The following CLTCL1 variants were observed in gnomAD, a reference collection of about 807,000 sequenced individuals.
CLTCL1 encodes the protein clathrin heavy chain like 1.
A neutral mutation model predicts 190.0 loss-of-function variants in CLTCL1; 159 were observed. That is an observed-to-expected ratio of 0.84 (90% CI 0.74 to 0.95). The LOEUF (loss-of-function observed/expected upper bound fraction) is 0.95, where lower values mean the gene tolerates loss of function less well. CLTCL1 is among the 40% of genes least tolerant of loss of function. The pLI, the probability that CLTCL1 is intolerant of heterozygous loss-of-function variation, is 0.00. For missense variants in CLTCL1, 1,878 were observed against 2,033.4 expected (o/e 0.92, Z 1.47); for synonymous variants, 752 against 769.6 (o/e 0.98, Z 0.38).
At chr22:19,232,877 T>G (rs2085959313) in intron 9 of CLTCL1, 2 of 558,678 alleles carry the variant, frequency 3.6e-6, no homozygotes, top group Admixed American at 3.5e-5. Context: ...AGGGATAAGA[T>G]CTGGGAGTCT....
chr22:19,225,654 G>A (rs1555955531), intron 12 of CLTCL1, 21 bp from the exon 13 acceptor site: 1 of 1,549,468 alleles, frequency 6.5e-7, no homozygotes, highest in Non-Finnish European at 8.7e-7. Context: ...GGAAGAGTCT[G>A]TCCACAACGA....
chr22:19,285,661 G>A (rs570741683), intron 1 of CLTCL1, among the ~76,000 whole-genome samples: 80 of 152,296 alleles, frequency 5.3e-4, no homozygotes, highest in African/African-American at 1.9e-3. Context: ...CTCTGGCATG[G>A]AGGCCAGCAG....
At chr22:19,220,975 G>C (rs2085549988) in intron 17 of CLTCL1, among the ~76,000 whole-genome samples, 1 of 152,168 alleles carries the variant, frequency 6.6e-6, no homozygotes, top group Non-Finnish European at 1.5e-5. Flanking sequence ...GAAGTACAAG[G>C]GTACTCGGGA....
In CLTCL1 at chr22:19,210,332, T is replaced by G. The variant is rs781970395; in HGVS notation, c.3243A>C (p.Ala1081=). 8 of 1,613,618 alleles carry G rather than the reference T, an allele frequency of 5.0e-6. No homozygotes were observed. The highest frequency in any genetic ancestry group is 6.8e-6 in the Non-Finnish European group (8 of 1,179,662). The change falls in exon 20 of 33, where the codon GCA becomes GCC. Residue 1081 remains alanine (A), a synonymous_variant. Coordinates refer to ENST00000427926, the MANE Select transcript of CLTCL1 (RefSeq NM_007098.4). ...VFHKFDMNAS[A]IQVLIEHIGN... is the part of the protein sequence containing the mutation. ...CTTACACTCAGCAGCCCACCTGGAT[T>G]GCTGAGGCATTCATATCAAACTTGT... is the stretch of plus-strand genomic sequence containing the variant.
chr22:19,291,361 C>T (rs904563582), intron 1 of CLTCL1, among the ~76,000 whole-genome samples: 31 of 152,260 alleles, frequency 2.0e-4, no homozygotes, highest in Non-Finnish European at 3.8e-4. Flanking sequence ...TGGCTTCCAC[C>T]CCCACCATTC....
chr22:19,251,226 G>C (rs115775298), intron 3 of CLTCL1, among the ~76,000 whole-genome samples: 1,609 of 150,082 alleles, frequency 0.011, 30 homozygotes, highest in African/African-American at 0.037. Flanking sequence ...TATTCTTTTT[G>C]ATGTTATTAT....
chr22:19,280,941 G>A (rs1485247365), intron 1 of CLTCL1, among the ~76,000 whole-genome samples: 2 of 151,858 alleles, frequency 1.3e-5, no homozygotes, highest in Non-Finnish European at 2.9e-5. Flanking sequence ...TTGGGGGGAG[G>A]AGTGTGAATG....
intron 3 of CLTCL1, 47 bp from the exon 4 acceptor site, chr22:19,242,983 A>G (rs781999805): frequency 4.6e-6 from 7 of 1,513,876 alleles, no homozygotes; most frequent in Middle Eastern, 1.8e-4. Context: ...AGAGAGGAAT[A>G]TAAAGAAACA....
intron 20 of CLTCL1, among the ~76,000 whole-genome samples, chr22:19,209,537 A>G (rs1348772077): frequency 6.6e-6 from 1 of 152,212 alleles, no homozygotes; most frequent in Non-Finnish European, 1.5e-5. Flanking sequence ...ATTGCGTGAC[A>G]GTGAGGGCCA....
chr22:19,200,460 T>C (rs2084847052), intron 23 of CLTCL1, among the ~76,000 whole-genome samples: 1 of 152,240 alleles, frequency 6.6e-6, no homozygotes, highest in Non-Finnish European at 1.5e-5. Flanking sequence ...CATGATGATA[T>C]ATTCCTCGCA....
intron 29 of CLTCL1, 182 bp from the exon 30 acceptor site, chr22:19,183,793 A>G: frequency 1.6e-6 from 1 of 637,436 alleles, no homozygotes; most frequent in Non-Finnish European, 2.7e-6. Context: ...TGAAACGGAG[A>G]TGCCACCTCC....
In CLTCL1 at chr22:19,221,388, C is replaced by CA; in HGVS notation, c.2784dup (p.Glu929Ter). On this transcript the variant is annotated frameshift_variant, in exon 17 of 33. Coordinates refer to ENST00000427926, the MANE Select transcript of CLTCL1 (RefSeq NM_007098.4). LOFTEE classifies it high-confidence loss of function. ...CATCTGCTACCCACCTTGATGAGCT[C>CA]AAGGTCACACTGCCCCCGCTCATAG... 2 of 1,551,326 alleles carry CA rather than the reference C, an allele frequency of 1.3e-6. No individual in the cohort carries two copies. Among genetic ancestry groups the CA allele is most frequent in the Non-Finnish European group, 1.7e-6 (2 of 1,146,692 alleles).
At chr22:19,279,372 A>G (rs2087628487) in intron 1 of CLTCL1, among the ~76,000 whole-genome samples, 1 of 151,286 alleles carries the variant, frequency 6.6e-6, no homozygotes, top group African/African-American at 2.4e-5. Flanking sequence ...CCTGACCTCA[A>G]GTAATTTGCC....
chr22:19,275,735 C>T lies in CLTCL1; in HGVS notation c.138G>A (p.Glu46=). Residue 46 remains glutamate (E), a synonymous_variant, in exon 2 of 33, where the codon GAG becomes GAA. Coordinates refer to ENST00000427926, the MANE Select transcript of CLTCL1 (RefSeq NM_007098.4). ...KFICIREKVG[E]QAQVTIIDMS... is the part of the protein sequence containing the mutation. ...TGTCAATGATCGTGACCTGTGCCTG[C>T]TCACCAACTTTCTCTCGGATACATA... 6.2e-7 allele frequency: 1 copy of T among 1,609,490 alleles called. No homozygotes were observed. Among genetic ancestry groups the T allele is most frequent in the Non-Finnish European group, 8.5e-7 (1 of 1,178,008 alleles).
Position 19,234,366 on chromosome 22 carries a change from G to A in CLTCL1, c.1167+143C>T, listed in dbSNP as rs909450650. ...TTACTTCCTTTACTGTTATGCCATT[G>A]GTGCAAAAATTTTAAACTAAAAACT... On this transcript the variant is annotated intron_variant, in intron 7 of 32. Transcript: ENST00000427926. 2.7e-5 allele frequency: 19 copies of A among 703,746 alleles called. No individual in the cohort carries two copies. In the African/African-American group the frequency reaches 3.4e-4, roughly 13 times the overall value. The allele number at this position is 703,746 out of a possible 1,614,324, so 43.6% of individuals were successfully genotyped here.
At chr22:19,226,516 C>T in intron 11 of CLTCL1, 133 bp from the exon 12 acceptor site, 4 of 955,394 alleles carry the variant, frequency 4.2e-6, no homozygotes, top group Non-Finnish European at 6.3e-6. Context: ...ACATCCATAC[C>T]TCTGTGGTGG....
intron 22 of CLTCL1, among the ~76,000 whole-genome samples, chr22:19,206,710 T>G (rs2085061081): frequency 1.3e-5 from 2 of 152,214 alleles, no homozygotes; most frequent in Admixed American, 6.5e-5. Flanking sequence ...GTGCTGGGAT[T>G]ACAGGCATGA....
At chr22:19,218,191 G>GTCTTTAACATA (rs1569183953) in intron 18 of CLTCL1, among the ~76,000 whole-genome samples, 1 of 152,182 alleles carries the variant, frequency 6.6e-6, no homozygotes, top group Non-Finnish European at 1.5e-5. Flanking sequence ...GGCCCCCGCT[G>GTCTTTAACATA]GCTCCGGTAT....
In CLTCL1 at chr22:19,225,489, G is replaced by A; in HGVS notation, c.2092C>T (p.Leu698=). The A allele has an allele frequency of 6.3e-7, 1 of 1,587,638 alleles. No individual in the cohort carries two copies. The highest frequency in any genetic ancestry group is 8.6e-7 in the Non-Finnish European group (1 of 1,166,392). ...KYHEQLGTQA[L]VELFESFKSY... ...TTGAAGGATTCAAAGAGCTCCACCA[G>A]GGCCTGCGTGCCCAGCTGCTCGTGG... The change falls in exon 13 of 33, where the codon CTG becomes TTG. Residue 698 remains leucine, a synonymous_variant. Coordinates refer to ENST00000427926, the MANE Select transcript of CLTCL1 (RefSeq NM_007098.4).
Sources: allele counts gnomAD v4.1 joint callset (sites outside exome capture counted in the v4.1 genomes callset), GRCh38; gene constraint gnomAD v4.1.1; transcripts MANE v1.5; gene names NCBI Gene and HGNC (gene_info 2026-07-23, HGNC 2026-07-21).